DTNA: variants seen among roughly 807,000 people sequenced by gnomAD.
DTNA encodes the protein dystrobrevin alpha, also known as dystrophin-related protein 3.
A neutral mutation model predicts 100.7 loss-of-function variants in DTNA; 43 were observed. The observed-to-expected ratio is 0.43, with a 90% confidence interval of 0.33 to 0.55. The LOEUF is 0.55. Ranked by LOEUF, DTNA falls within the 20% of genes least tolerant of loss-of-function variation. The probability of loss-of-function intolerance (pLI) is 0.04; values close to 1 mark genes in which losing one functional copy is unlikely to be tolerated. For missense variants in DTNA, 798 were observed against 953.9 expected (o/e 0.84, Z 2.15); for synonymous variants, 349 against 347.9 (o/e 1.00, Z -0.04).
chr18:34,881,437 C>CTTTTGTT (rs2096871361), intron 20 of DTNA, among the ~76,000 whole-genome samples: 1 of 51,384 alleles, frequency 1.9e-5, no homozygotes, highest in African/African-American at 8.4e-5. Context: ...AATTAAAATG[C>CTTTTGTT]TTTTTTTTTT....
intron 15 of DTNA, among the ~76,000 whole-genome samples, chr18:34,857,325 G>T (rs2096564393): frequency 6.6e-6 from 1 of 152,182 alleles, no homozygotes; most frequent in Admixed American, 6.5e-5. Context: ...CTCCAAAATG[G>T]AAAGCTACTT....
chr18:34,493,946 G>T (rs1463633856), intron 1 of DTNA: 2 of 148,568 alleles, frequency 1.3e-5, no homozygotes, highest in African/African-American at 4.9e-5. Context: ...CCGGGCGGCG[G>T]GCGGCGCCTC....
At chr18:34,720,015 A>G (rs1351456457) in intron 1 of DTNA, among the ~76,000 whole-genome samples, 3 of 152,210 alleles carry the variant, frequency 2.0e-5, no homozygotes, top group Non-Finnish European at 2.9e-5. Flanking sequence ...CAATTTGTTC[A>G]TTGCCGTCTT....
chr18:34,823,767 G>A (rs547732366), intron 9 of DTNA, among the ~76,000 whole-genome samples: 4 of 152,162 alleles, frequency 2.6e-5, no homozygotes, highest in Non-Finnish European at 4.4e-5. Context: ...GTCATTCTTT[G>A]GATGTAGTGT....
chr18:34,578,145 T>C (rs12961256), intron 1 of DTNA, among the ~76,000 whole-genome samples: 1 of 123,422 alleles, frequency 8.1e-6, no homozygotes, highest in African/African-American at 3.8e-5. Flanking sequence ...TGTTTTTTTT[T>C]TATTTTTTTA....
chr18:34,747,104 C>CTATATCTATATCTATATATATATATA (rs1555757664), intron 1 of DTNA, among the ~76,000 whole-genome samples: 1 of 148,228 alleles, frequency 6.7e-6, no homozygotes, highest in African/African-American at 2.5e-5. Flanking sequence ...ATATCTGTAT[C>CTATATCTATATCTATATATATATATA]TATATATATA....
chr18:34,827,751 C>A (rs2095893185), intron 10 of DTNA, 75 bp downstream of exon 10: 2 of 1,435,194 alleles, frequency 1.4e-6, no homozygotes, highest in Non-Finnish European at 9.8e-7. Context: ...GAAAAATATT[C>A]TCATGCAAGC....
intron 7 of DTNA, among the ~76,000 whole-genome samples, chr18:34,816,668 C>T (rs1786594): frequency 0.14 from 21,449 of 152,088 alleles, 1,765 homozygotes; most frequent in African/African-American, 0.23. Context: ...GGTGTTCCTA[C>T]TTATTGTTCA....
intron 3 of DTNA, among the ~76,000 whole-genome samples, chr18:34,791,269 C>T (rs1345578875): frequency 6.6e-6 from 1 of 152,160 alleles, no homozygotes; most frequent in Non-Finnish European, 1.5e-5. Context: ...ATCTCCCTCC[C>T]ATGCTCAAGT....
intron 1 of DTNA, among the ~76,000 whole-genome samples, chr18:34,521,827 A>G (rs1007730386): frequency 6.6e-6 from 1 of 152,080 alleles, no homozygotes; most frequent in African/African-American, 2.4e-5. Flanking sequence ...TTCTTGCTTT[A>G]CTTTTCCTCA....
intron 1 of DTNA, among the ~76,000 whole-genome samples, chr18:34,597,000 C>CT (rs1323530096): frequency 6.6e-6 from 1 of 152,178 alleles, no homozygotes; most frequent in Non-Finnish European, 1.5e-5. Flanking sequence ...TATCCCTCCC[C>CT]TAGCCCCCAA....
intron 1 of DTNA, among the ~76,000 whole-genome samples, chr18:34,673,883 C>T (rs1027819661): frequency 2.6e-5 from 4 of 152,160 alleles, no homozygotes; most frequent in African/African-American, 9.7e-5. Flanking sequence ...CTATCTTATA[C>T]TTCTCAAATA....
intron 2 of DTNA, among the ~76,000 whole-genome samples, chr18:34,761,887 T>C (rs2093195331): frequency 6.6e-6 from 1 of 152,170 alleles, no homozygotes; most frequent in Non-Finnish European, 1.5e-5. Context: ...TCCAGTGATA[T>C]AATTCAGAAA....
intron 1 of DTNA, among the ~76,000 whole-genome samples, chr18:34,736,554 G>A (rs2089631810): frequency 6.6e-6 from 1 of 152,024 alleles, no homozygotes. Flanking sequence ...AAACTAGTAG[G>A]GTGGACAGCG....
chr18:34,602,968 A>G (rs1195229064), intron 1 of DTNA, among the ~76,000 whole-genome samples: 1 of 151,676 alleles, frequency 6.6e-6, no homozygotes, highest in Non-Finnish European at 1.5e-5. Context: ...ACGCCATTGT[A>G]CTCCAGCCCG....
intron 1 of DTNA, among the ~76,000 whole-genome samples, chr18:34,650,735 C>T (rs1397791464): frequency 6.6e-6 from 1 of 152,138 alleles, no homozygotes; most frequent in East Asian, 1.9e-4. Flanking sequence ...AATTAGTGCA[C>T]TGAATCAGAC....
chr18:34,818,843 G>A (rs771032992), intron 8 of DTNA, among the ~76,000 whole-genome samples: 28 of 152,126 alleles, frequency 1.8e-4, no homozygotes, highest in Non-Finnish European at 3.7e-4. Flanking sequence ...GGGAGATTGT[G>A]GTTATATTAG....
At chr18:34,871,485 G>T (rs758509977) in intron 17 of DTNA, among the ~76,000 whole-genome samples, 3 of 152,132 alleles carry the variant, frequency 2.0e-5, no homozygotes, top group Admixed American at 1.3e-4. Context: ...ATGGACCATT[G>T]TCCCTTAAGT....
chr18:34,508,225 C>T (rs895234066), intron 1 of DTNA, among the ~76,000 whole-genome samples: 14 of 152,138 alleles, frequency 9.2e-5, no homozygotes, highest in African/African-American at 2.2e-4. Flanking sequence ...TGACACCCAT[C>T]ATTAGGTATT....
Sources: allele counts gnomAD v4.1 joint callset (sites outside exome capture counted in the v4.1 genomes callset), GRCh38; gene constraint gnomAD v4.1.1; transcripts MANE v1.5; gene names NCBI Gene and HGNC (gene_info 2026-07-23, HGNC 2026-07-21).